Variants in KLRF1 observed in about 807,000 individuals in gnomAD.
KLRF1 encodes killer cell lectin-like receptor subfamily F member 1.
In KLRF1, 27 loss-of-function variants were observed where a neutral mutation model predicts 30.7. The observed-to-expected ratio is 0.88, with a 90% confidence interval of 0.65 to 1.21. The LOEUF (loss-of-function observed/expected upper bound fraction) is 1.21. KLRF1 is among the 50% of genes most tolerant of loss of function. KLRF1 has a pLI of 0.00. For synonymous variants in KLRF1, 92 were observed against 89.3 expected, an observed-to-expected ratio of 1.03 and a Z score of -0.17; for missense variants, 246 against 259.3, an observed-to-expected ratio of 0.95 and a Z score of 0.35.
intron 3 of KLRF1, among the ~76,000 whole-genome samples, chr12:9,834,753 G>A (rs780720818): frequency 2.0e-5 from 3 of 152,084 alleles, no homozygotes; most frequent in Non-Finnish European, 4.4e-5. Flanking sequence ...TACTTGCTTG[G>A]TTGGCAAGTT....
At chr12:9,833,269 A>G (rs1188328721) in intron 2 of KLRF1, 34 bp from the exon 3 acceptor site, 3 of 1,471,564 alleles carry the variant, frequency 2.0e-6, no homozygotes, top group South Asian at 2.8e-5. Flanking sequence ...TAGAGAAGAT[A>G]TTTACCTAAC....
chr12:9,837,210 C>T (rs1867596328), intron 3 of KLRF1, among the ~76,000 whole-genome samples: 1 of 151,940 alleles, frequency 6.6e-6, no homozygotes, highest in African/African-American at 2.4e-5. Flanking sequence ...TAGAATCACA[C>T]AATATTTGGC....
At chr12:9,836,586 A>T (rs977637339) in intron 3 of KLRF1, among the ~76,000 whole-genome samples, 2 of 152,124 alleles carry the variant, frequency 1.3e-5, no homozygotes, top group Non-Finnish European at 2.9e-5. Flanking sequence ...ATGATATATT[A>T]TGACTTTCCA....
chr12:9,829,250 T>G (rs1318114202), intron 1 of KLRF1, among the ~76,000 whole-genome samples: 1 of 152,198 alleles, frequency 6.6e-6, no homozygotes, highest in East Asian at 1.9e-4. Flanking sequence ...TTAAAATGTT[T>G]TGCGGTTTTA....
chr12:9,808,670 G>T, the KLRF1 span, among the ~76,000 whole-genome samples: 1 of 152,106 alleles, frequency 6.6e-6, no homozygotes, highest in Admixed American at 6.5e-5. Context: ...TTGAATCAAA[G>T]AGCTTTAGGC....
chr12:9,833,734 C>G (rs904433970), intron 3 of KLRF1, among the ~76,000 whole-genome samples: 2 of 152,002 alleles, frequency 1.3e-5, no homozygotes, highest in African/African-American at 4.8e-5. Flanking sequence ...ATGTAAATAG[C>G]CATTCTTGTT....
the KLRF1 span, among the ~76,000 whole-genome samples, chr12:9,810,269 T>C: frequency 6.6e-6 from 1 of 152,220 alleles, no homozygotes; most frequent in African/African-American, 2.4e-5. Flanking sequence ...GTGGTCCAAG[T>C]ATATTCCCAA....
chr12:9,827,425 G>A (rs556406248), upstream of KLRF1: 7 of 549,882 alleles, frequency 1.3e-5, no homozygotes, highest in Non-Finnish European at 2.2e-5. Flanking sequence ...TATGTACTGT[G>A]AAAGGACAAT....
At chr12:9,831,982 G>A (rs1591754580) in intron 1 of KLRF1, among the ~76,000 whole-genome samples, 1 of 152,118 alleles carries the variant, frequency 6.6e-6, no homozygotes, top group African/African-American at 2.4e-5. Flanking sequence ...ATCTGTAAAT[G>A]CATGTGCATG....
chr12:9,819,212 A>G, the KLRF1 span, among the ~76,000 whole-genome samples: 1 of 152,256 alleles, frequency 6.6e-6, no homozygotes, highest in East Asian at 1.9e-4. Context: ...GGAGCCTTAG[A>G]TACCAGGGCT....
At chr12:9,838,569 C>G (rs1190161543) in intron 3 of KLRF1, among the ~76,000 whole-genome samples, 3 of 152,116 alleles carry the variant, frequency 2.0e-5, no homozygotes, top group Admixed American at 1.3e-4. Context: ...AGTCAATCTT[C>G]CCTGCCAGTG....
intron 5 of KLRF1, among the ~76,000 whole-genome samples, chr12:9,843,888 C>T (rs1399963435): frequency 1.3e-5 from 2 of 152,070 alleles, no homozygotes; most frequent in Non-Finnish European, 2.9e-5. Flanking sequence ...ACTAACACTA[C>T]ATTATTTTAT....
chr12:9,818,651 C>G, the KLRF1 span, among the ~76,000 whole-genome samples: 7 of 152,318 alleles, frequency 4.6e-5, no homozygotes, highest in South Asian at 1.5e-3. Context: ...CCTTAGGTGA[C>G]TGGCTGGTAA....
chr12:9,837,841 A>G (rs887457814), intron 3 of KLRF1, among the ~76,000 whole-genome samples: 1 of 152,168 alleles, frequency 6.6e-6, no homozygotes, highest in African/African-American at 2.4e-5. Flanking sequence ...ACTCAGTTAC[A>G]TGTTGTCTGC....
the KLRF1 span, among the ~76,000 whole-genome samples, chr12:9,813,258 CAT>C: frequency 6.6e-6 from 1 of 151,916 alleles, no homozygotes; most frequent in Non-Finnish European, 1.5e-5. Flanking sequence ...TCTTAACTGA[CAT>C]ATAAATCTAA....
chr12:9,835,642 A>G (rs1188009874), intron 3 of KLRF1, among the ~76,000 whole-genome samples: 1 of 152,032 alleles, frequency 6.6e-6, no homozygotes, highest in Non-Finnish European at 1.5e-5. Flanking sequence ...TGTAATACGG[A>G]GCTGGAAGGC....
At chr12:9,808,281 T>C in the KLRF1 span, among the ~76,000 whole-genome samples, 15 of 152,154 alleles carry the variant, frequency 9.9e-5, no homozygotes, top group African/African-American at 3.6e-4. Flanking sequence ...TCCTGATTAA[T>C]GCTTTTCCCC....
chr12:9,815,566 C>T, the KLRF1 span, among the ~76,000 whole-genome samples: 1 of 152,208 alleles, frequency 6.6e-6, no homozygotes, highest in Non-Finnish European at 1.5e-5. Flanking sequence ...TTTTCTTTGA[C>T]TCTGTCCAGC....
At chr12:9,803,526 A>C in the KLRF1 span, among the ~76,000 whole-genome samples, 136 of 152,084 alleles carry the variant, frequency 8.9e-4, no homozygotes, top group African/African-American at 3.2e-3. Flanking sequence ...TTTTATTTTA[A>C]GTTTTATTCT....
Sources: gnomAD v4.1 joint callset for allele counts (sites outside exome capture counted in the v4.1 genomes callset) on GRCh38, gnomAD v4.1.1 for gene constraint, MANE v1.5 for transcripts, NCBI Gene and HGNC (gene_info 2026-07-23, HGNC 2026-07-21) for gene names.